Variants in RLIG1 observed in about 807,000 individuals in gnomAD.
The protein encoded by RLIG1 is RNA ligase 1.
chr12:88,049,120 T>G, the RLIG1 span: 8 of 955,764 alleles, frequency 8.4e-6, no homozygotes, highest in African/African-American at 1.7e-5. Flanking sequence ...ACTGCTTATT[T>G]CCAAGTATAT....
the RLIG1 span, among the ~76,000 whole-genome samples, chr12:88,043,159 T>C: frequency 6.6e-6 from 1 of 152,158 alleles, no homozygotes. Context: ...CATATTGAAA[T>C]GAGTGACATT....
At chr12:88,043,254 A>G in the RLIG1 span, among the ~76,000 whole-genome samples, 16 of 152,214 alleles carry the variant, frequency 1.1e-4, no homozygotes, top group South Asian at 2.9e-3. Flanking sequence ...ATGCTTTTAA[A>G]TATCTGTAGT....
the RLIG1 span, chr12:88,048,946 T>C: frequency 3.1e-6 from 1 of 317,494 alleles, no homozygotes; most frequent in Admixed American, 4.7e-5. Flanking sequence ...ATTATGAATG[T>C]AGAGAAATTC....
At chr12:88,040,316 C>A in the RLIG1 span, 1 of 1,082,580 alleles carries the variant, frequency 9.2e-7, no homozygotes, top group South Asian at 1.5e-5. Context: ...TTTTCTTAAT[C>A]ACTTTACAGT....
At chr12:88,043,722 T>C in the RLIG1 span, 1 of 1,575,618 alleles carries the variant, frequency 6.3e-7, no homozygotes, top group Non-Finnish European at 8.7e-7. Context: ...CCTGGTATCA[T>C]GATATCTCTT....
chr12:88,046,091 G>A, the RLIG1 span, among the ~76,000 whole-genome samples: 2 of 152,056 alleles, frequency 1.3e-5, no homozygotes, highest in Non-Finnish European at 2.9e-5. Context: ...TGATGAAAAT[G>A]CACTTTTCAT....
chr12:88,036,117 T>G, the RLIG1 span: 2 of 1,306,578 alleles, frequency 1.5e-6, no homozygotes, highest in Non-Finnish European at 1.0e-6. Context: ...AAGAGTGCAG[T>G]AAGAAAGGGT....
chr12:88,044,447 C>T, the RLIG1 span: 1 of 152,258 alleles, frequency 6.6e-6, no homozygotes, highest in African/African-American at 2.4e-5. Flanking sequence ...AGGTTCTCAA[C>T]CGGCATGTCT....
the RLIG1 span, chr12:88,049,479 G>T: frequency 1.2e-6 from 1 of 845,496 alleles, no homozygotes. Context: ...TTTGAACAAG[G>T]AGATTTAATT....
chr12:88,046,284 A>G, the RLIG1 span, among the ~76,000 whole-genome samples: 3 of 152,136 alleles, frequency 2.0e-5, no homozygotes, highest in Admixed American at 2.0e-4. Context: ...TATAATAGGA[A>G]AATCCTATAT....
chr12:88,048,057 A>AAGAT, the RLIG1 span, among the ~76,000 whole-genome samples: 3 of 152,002 alleles, frequency 2.0e-5, no homozygotes, highest in South Asian at 2.1e-4. Flanking sequence ...TCTAATGGGG[A>AAGAT]AGATAGACAA....
chr12:88,046,713 A>G, the RLIG1 span: 82 of 1,152,642 alleles, frequency 7.1e-5, 1 homozygote, highest in Admixed American at 4.6e-4. Context: ...CTTTATTCCT[A>G]AGTGTTTCAA....
chr12:88,049,136 T>G, the RLIG1 span: 12 of 1,147,960 alleles, frequency 1.0e-5, no homozygotes, highest in East Asian at 2.4e-4. Flanking sequence ...TATATTTAAC[T>G]TATAAAGTTA....
At chr12:88,046,185 C>T in the RLIG1 span, among the ~76,000 whole-genome samples, 1 of 152,012 alleles carries the variant, frequency 6.6e-6, no homozygotes, top group Non-Finnish European at 1.5e-5. Flanking sequence ...AAATATATAT[C>T]ATGATGAATT....
chr12:88,049,286 T>A, the RLIG1 span: 14 of 1,608,048 alleles, frequency 8.7e-6, no homozygotes, highest in Non-Finnish European at 1.2e-5. Flanking sequence ...CTGAAAGTTT[T>A]TTTACCTTCT....
At chr12:88,050,043 CT>C in the RLIG1 span, 3 of 215,098 alleles carry the variant, frequency 1.4e-5, no homozygotes, top group Non-Finnish European at 2.7e-5. Context: ...CTTAGGATTC[CT>C]GAAAAGAATT....
At chr12:88,048,195 A>C in the RLIG1 span, 2 of 1,432,262 alleles carry the variant, frequency 1.4e-6, no homozygotes, top group Non-Finnish European at 1.9e-6. Flanking sequence ...TGAAGATAGT[A>C]TCTGTATGCT....
the RLIG1 span, among the ~76,000 whole-genome samples, chr12:88,048,036 GA>G: frequency 6.6e-6 from 1 of 152,000 alleles, no homozygotes; most frequent in South Asian, 2.1e-4. Flanking sequence ...CTGCCTTCAT[GA>G]AGCTCACATT....
chr12:88,035,989 T>C, the RLIG1 span: 1 of 1,512,308 alleles, frequency 6.6e-7, no homozygotes, highest in Non-Finnish European at 8.8e-7. Flanking sequence ...TTCAAACTTG[T>C]CCTCGCAAGG....
Sources: gnomAD v4.1 joint callset for allele counts (sites outside exome capture counted in the v4.1 genomes callset) on GRCh38, gnomAD v4.1.1 for gene constraint, MANE v1.5 for transcripts, NCBI Gene and HGNC (gene_info 2026-07-23, HGNC 2026-07-21) for gene names.